The following NIBAN3 variants were observed in gnomAD, a reference collection of about 807,000 sequenced individuals.
NIBAN3 encodes niban apoptosis regulator 3, also known as protein Niban 3.
Under a neutral mutation model 76.4 loss-of-function variants are expected in NIBAN3, and 66 were observed. That is an observed-to-expected ratio of 0.86 (90% CI 0.71 to 1.06). The LOEUF is 1.06. NIBAN3 is among the 50% of genes least tolerant of loss of function. The pLI is 0.00. For missense variants in NIBAN3, 808 were observed against 810.7 expected (o/e 1.00, Z 0.04); for synonymous variants, 360 against 355.2 (o/e 1.01, Z -0.15).
In NIBAN3 at chr19:17,542,165, C is replaced by CTCAT. The variant is rs2075965458; in HGVS notation, c.1201_1202insCATT (p.Leu401SerfsTer11). On this transcript the variant is annotated frameshift_variant, in exon 10 of 15. Transcript: ENST00000599164. LOFTEE classifies it high-confidence loss of function. The surrounding 1 kb of genome is among the most constrained non-coding windows in gnomAD (Gnocchi z 4.8). ...ACTCATTTGGGGAGATGCCGTGGGA[C>CTCAT]TTGGCGCTGATGCAGACATGCTACC... 6.2e-7 allele frequency: 1 copy of CTCAT among 1,614,050 alleles called. No individual in the cohort carries two copies. The highest frequency in any genetic ancestry group is 1.1e-5 in the South Asian group (1 of 91,086).
rs1459727720 is a variant in NIBAN3, at chr19:17,543,638, T to C, written c.1554+7T>C. ...CGAGCCAGGCTGCAAAAAGGTGAGT[T>C]AATGGGAAGTGTGCAAGAGGGTCTG... On this transcript the variant is annotated splice_region_variant and intron_variant, in intron 12 of 14. Coordinates refer to ENST00000599164, the MANE Select transcript of NIBAN3 (RefSeq NM_001321827.2). 6.2e-7 allele frequency: 1 copy of C among 1,609,162 alleles called. No homozygotes were observed. Among genetic ancestry groups the C allele is most frequent in the Admixed American group, 1.7e-5 (1 of 59,340 alleles).
At chr19:17,533,246 T>C (rs2075762522) in intron 3 of NIBAN3, among the ~76,000 whole-genome samples, 1 of 151,632 alleles carries the variant, frequency 6.6e-6, no homozygotes, top group Non-Finnish European at 1.5e-5. Context: ...CCCGTCTCAA[T>C]TAAAAATACA....
chr19:17,530,929 G>A (rs779213452), intron 2 of NIBAN3, 44 bp downstream of exon 2: 3 of 1,590,026 alleles, frequency 1.9e-6, no homozygotes, highest in South Asian at 2.2e-5. Context: ...TTAGGGGAGG[G>A]TCCTGGAGGA....
At chr19:17,528,809 G>A (rs2075658359) in intron 1 of NIBAN3, among the ~76,000 whole-genome samples, 1 of 152,046 alleles carries the variant, frequency 6.6e-6, no homozygotes, top group Non-Finnish European at 1.5e-5. Context: ...CAGCCATTGG[G>A]TCTACATTCC....
In NIBAN3 at chr19:17,527,299, G is replaced by A; in HGVS notation, c.-42G>A. On this transcript the variant is annotated 5_prime_UTR_variant, in exon 1 of 15. Transcript: ENST00000599164. ...CCTGAGCCGAGGAACGCAGGCGGTGGTCGTGGGGAAGGGAAGAGGAGCCCC... is the reference window on the plus strand; with the variant it reads ...CCTGAGCCGAGGAACGCAGGCGGTGATCGTGGGGAAGGGAAGAGGAGCCCC... 1.9e-6 allele frequency: 3 copies of A among 1,550,734 alleles called. No individual in the cohort carries two copies. The highest frequency in any genetic ancestry group is 2.6e-6 in the Non-Finnish European group (3 of 1,146,844).
chr19:17,555,031 G>A (rs991134741), downstream of NIBAN3, among the ~76,000 whole-genome samples: 3 of 151,876 alleles, frequency 2.0e-5, no homozygotes, highest in African/African-American at 7.3e-5. Flanking sequence ...ATGAAAACAT[G>A]GCCCTTGTCT....
At chr19:17,554,226 T>A (rs1020778224), downstream of NIBAN3, among the ~76,000 whole-genome samples, 1 of 151,696 alleles carries the variant, frequency 6.6e-6, no homozygotes, top group Non-Finnish European at 1.5e-5. Context: ...TCACTGGTAA[T>A]CCCAGCAGTT....
At position 17,539,744 on chromosome 19, in the gene NIBAN3, C is replaced by G. The variant is rs371269275; in HGVS notation, c.958C>G (p.Arg320Gly). 1.2e-5 allele frequency: 19 copies of G among 1,537,796 alleles called. No homozygotes were observed. In the South Asian group the frequency reaches 1.4e-4, roughly 12 times the overall value. Reference sequence around the variant, plus strand: ...GGACCAGCTGCTGCGGCAGCGGGCGCGTGTGGCGGGGCGGCTGAGGAGTGA... The same window carrying G: ...GGACCAGCTGCTGCGGCAGCGGGCGGGTGTGGCGGGGCGGCTGAGGAGTGA... ...DVDQLLRQRA[R>G]VAGRLRTDIR... Residue 320 changes from arginine (R) to glycine (G), a missense_variant, in exon 8 of 15, where the codon CGT (arginine) becomes GGT (glycine). Coordinates refer to ENST00000599164, the MANE Select transcript of NIBAN3 (RefSeq NM_001321827.2).
In NIBAN3 at chr19:17,544,999, C is replaced by CA. The variant is rs370768161; in HGVS notation, c.1554+1374dup. Among the ~76,000 whole-genome samples the CA allele has an allele frequency of 3.0e-3, 460 of 151,936 alleles. 1 individual carries two copies. The highest frequency in any genetic ancestry group is 0.011 in the African/African-American group (454 of 41,474). The stretch of plus-strand genomic sequence containing the variant: ...TTGGGATAGTGAGACCCCACCTCTA[C>CA]AAAAAATACAAGAATTCGCCAGATG... On this transcript the variant is annotated intron_variant, in intron 12 of 14. Transcript: ENST00000599164.
chr19:17,531,250 C>T (rs2075716476), intron 2 of NIBAN3, among the ~76,000 whole-genome samples: 1 of 151,520 alleles, frequency 6.6e-6, no homozygotes, highest in African/African-American at 2.4e-5. Context: ...TCGTTTGAAC[C>T]TGGGAGGTGG....
chr19:17,533,771 T>C (rs1194353815), intron 4 of NIBAN3, 70 bp downstream of exon 4: 24 of 1,176,524 alleles, frequency 2.0e-5, no homozygotes, highest in Non-Finnish European at 3.0e-5. Context: ...GGCCAGATCA[T>C]TCTCTGCGGT....
intron 1 of NIBAN3, among the ~76,000 whole-genome samples, chr19:17,530,020 C>G (rs776387760): frequency 6.6e-5 from 10 of 150,686 alleles, no homozygotes; most frequent in Non-Finnish European, 1.3e-4. Flanking sequence ...GAGATTGCAC[C>G]ACTGCACTCC....
chr19:17,543,798 C>T, intron 12 of NIBAN3, 167 bp downstream of exon 12: 1 of 554,844 alleles, frequency 1.8e-6, no homozygotes, highest in South Asian at 2.2e-5. Flanking sequence ...CGAGACTAGC[C>T]TGGCTAACAT....
At chr19:17,527,579 G>C (rs1050778048) in intron 1 of NIBAN3, among the ~76,000 whole-genome samples, 184 bp downstream of exon 1, 3 of 152,108 alleles carry the variant, frequency 2.0e-5, no homozygotes, top group Non-Finnish European at 4.4e-5. Context: ...ACAGGATCTT[G>C]TCTGTTGCCC....
At chr19:17,527,169 C>A (rs562989226), upstream of NIBAN3, 1 of 1,505,274 alleles carries the variant, frequency 6.6e-7, no homozygotes, top group African/African-American at 1.4e-5. Flanking sequence ...CTGGGCAACA[C>A]GGGCCCCAGG....
chr19:17,534,268 A>T (rs1447491035), intron 4 of NIBAN3, among the ~76,000 whole-genome samples: 1 of 152,116 alleles, frequency 6.6e-6, no homozygotes, highest in Non-Finnish European at 1.5e-5. Context: ...TAATCCCACC[A>T]CTTTGGGAGG....
chr19:17,538,417 A>C (rs1424126747), intron 5 of NIBAN3, among the ~76,000 whole-genome samples: 1 of 131,174 alleles, frequency 7.6e-6, no homozygotes, highest in Non-Finnish European at 1.7e-5. Flanking sequence ...CTCTGTCTTA[A>C]AAAAAAAAAA....
chr19:17,551,384 T>G (rs758531040), intron 14 of NIBAN3, among the ~76,000 whole-genome samples: 9 of 151,812 alleles, frequency 5.9e-5, no homozygotes, highest in Non-Finnish European at 1.0e-4. Context: ...CGTGAGCCAC[T>G]GCACCCGGCC....
At chr19:17,528,864 C>T (rs866939077) in intron 1 of NIBAN3, among the ~76,000 whole-genome samples, 23 of 151,768 alleles carry the variant, frequency 1.5e-4, no homozygotes, top group African/African-American at 5.1e-4. Context: ...TGGGTCAAGT[C>T]ATGACCCAAA....
Sources: gnomAD v4.1 joint callset for allele counts (sites outside exome capture counted in the v4.1 genomes callset) on GRCh38, gnomAD v4.1.1 for gene constraint, Gnocchi (gnomAD v3.1) non-coding constraint, MANE v1.5 for transcripts, NCBI Gene and HGNC (gene_info 2026-07-23, HGNC 2026-07-21) for gene names.